The following RGS6 variants were observed in gnomAD, a reference collection of about 807,000 sequenced individuals.
The protein encoded by RGS6 is regulator of G protein signaling 6.
A neutral mutation model predicts 78.5 loss-of-function variants in RGS6; 30 were observed. The ratio of observed to expected loss-of-function variants is 0.38; its 90% CI spans 0.29 to 0.52. The LOEUF is 0.52. Among genes scored for constraint, RGS6 ranks in the 20% least tolerant of loss-of-function variants. RGS6 has a pLI of 0.85. For synonymous variants in RGS6, 206 were observed against 206.0 expected (o/e 1.00, Z 0.00); for missense variants, 495 against 609.7 (o/e 0.81, Z 1.98).
At chr14:71,950,758 C>G (rs1566894558) in intron 1 of RGS6, among the ~76,000 whole-genome samples, 1 of 152,102 alleles carries the variant, frequency 6.6e-6, no homozygotes, top group Admixed American at 6.5e-5. Context: ...AGGACTTGAA[C>G]AGACACTTGT....
At chr14:71,942,850 A>G (rs1317307001) in intron 1 of RGS6, among the ~76,000 whole-genome samples, 1 of 150,150 alleles carries the variant, frequency 6.7e-6, no homozygotes, top group East Asian at 2.0e-4. Context: ...ATATTTGGAT[A>G]TGAACAAAAT....
chr14:71,952,638 G>A (rs1192997641), intron 1 of RGS6, among the ~76,000 whole-genome samples: 1 of 151,308 alleles, frequency 6.6e-6, no homozygotes, highest in African/African-American at 2.4e-5. Flanking sequence ...GATCTATATT[G>A]CTTTTGGCTG....
chr14:71,925,474 C>T, the RGS6 span, among the ~76,000 whole-genome samples: 18 of 152,172 alleles, frequency 1.2e-4, no homozygotes, highest in South Asian at 1.5e-3. Context: ...ACAAACTTAT[C>T]GCTCAGGCCA....
At chr14:72,109,049 T>C (rs1191044908) in intron 2 of RGS6, among the ~76,000 whole-genome samples, 1 of 152,166 alleles carries the variant, frequency 6.6e-6, no homozygotes. Context: ...CTGTCTTCTA[T>C]TGTTTTTATG....
the RGS6 span, among the ~76,000 whole-genome samples, chr14:71,888,870 A>G: frequency 6.6e-6 from 1 of 152,176 alleles, no homozygotes; most frequent in African/African-American, 2.4e-5. Context: ...GCATTATCAC[A>G]TCATTGAAAA....
the RGS6 span, among the ~76,000 whole-genome samples, chr14:72,618,119 C>T: frequency 2.0e-5 from 3 of 152,074 alleles, no homozygotes; most frequent in Admixed American, 1.3e-4. Flanking sequence ...GAGCAGCCCC[C>T]GCACTGAGAG....
At chr14:72,549,137 G>A (rs1211339047) in intron 17 of RGS6, among the ~76,000 whole-genome samples, 4 of 152,212 alleles carry the variant, frequency 2.6e-5, no homozygotes, top group Non-Finnish European at 4.4e-5. Flanking sequence ...ACTAGACTCC[G>A]CCTTGAGGGA....
intron 2 of RGS6, among the ~76,000 whole-genome samples, chr14:72,109,380 T>A (rs2095703883): frequency 6.6e-6 from 1 of 152,164 alleles, no homozygotes; most frequent in Non-Finnish European, 1.5e-5. Flanking sequence ...ATTCTAGGAG[T>A]TCCAAAAACT....
In RGS6 at chr14:72,549,423, G is replaced by A. The variant is rs746954620; in HGVS notation, c.1422+9329G>A. Among the ~76,000 whole-genome samples the A allele has an allele frequency of 2.3e-4, 35 of 152,128 alleles. 1 individual carries two copies. Among genetic ancestry groups the A allele is most frequent in the Non-Finnish European group, 4.3e-4 (29 of 68,022 alleles). ...GCCAGGGTGGCCATGTGCGTGGGGC[G>A]TCCTGGCCCAAGGTTGAAGAAAACT... is the stretch of plus-strand genomic sequence containing the variant. On this transcript the variant is annotated intron_variant, in intron 17 of 17. Transcript: ENST00000553525.
At chr14:71,917,384 A>G in the RGS6 span, among the ~76,000 whole-genome samples, 1 of 152,208 alleles carries the variant, frequency 6.6e-6, no homozygotes. Context: ...TGCTGTTAAA[A>G]GTATACATAA....
At chr14:72,324,904 A>G (rs1313558891) in intron 2 of RGS6, among the ~76,000 whole-genome samples, 1 of 152,184 alleles carries the variant, frequency 6.6e-6, no homozygotes, top group Non-Finnish European at 1.5e-5. Flanking sequence ...TGGTATTTCT[A>G]GTTCTAGATC....
the RGS6 span, among the ~76,000 whole-genome samples, chr14:72,626,399 T>G: frequency 6.6e-6 from 1 of 152,134 alleles, no homozygotes. Flanking sequence ...TAGGTTTTCT[T>G]ATGTCTCTTT....
intron 15 of RGS6, among the ~76,000 whole-genome samples, chr14:72,530,552 G>C (rs756928727): frequency 2.0e-5 from 3 of 152,124 alleles, no homozygotes; most frequent in Admixed American, 6.5e-5. Flanking sequence ...TTAGCCAGGC[G>C]TGGTGGTGCA....
chr14:72,040,217 C>T lies in RGS6; in HGVS notation c.84+75342C>T, dbSNP rs2092264837. Among the ~76,000 whole-genome samples, 7 of 152,096 alleles carry T rather than the reference C, an allele frequency of 4.6e-5. No individual in the cohort carries two copies. The South Asian group carries it at 1.5e-3, about 32-fold the overall frequency. The stretch of plus-strand genomic sequence containing the variant: ...ATTCTGTATTTGTCTATATATTGAC[C>T]TTTACCAGGGAGCTTACATTTTCAT... On this transcript the variant is annotated intron_variant, in intron 2 of 17. Coordinates refer to ENST00000553525, the MANE Select transcript of RGS6 (RefSeq NM_001204424.2).
chr14:72,481,956 C>T (rs1488739633), intron 12 of RGS6, among the ~76,000 whole-genome samples: 1 of 151,890 alleles, frequency 6.6e-6, no homozygotes. Flanking sequence ...TTACAGGCAC[C>T]TGCCACCAAG....
intron 13 of RGS6, among the ~76,000 whole-genome samples, chr14:72,505,312 G>A (rs1312268139): frequency 6.6e-6 from 1 of 152,150 alleles, no homozygotes; most frequent in Non-Finnish European, 1.5e-5. Context: ...CAGAGTGCTG[G>A]CAAATTCAAT....
chr14:72,333,235 GA>G (rs1007987882), intron 2 of RGS6, among the ~76,000 whole-genome samples: 1 of 152,326 alleles, frequency 6.6e-6, no homozygotes, highest in Non-Finnish European at 1.5e-5. Context: ...ATTTCCGGGG[GA>G]AAATGTGAAT....
chr14:72,328,173 A>G (rs537316247), intron 2 of RGS6, among the ~76,000 whole-genome samples: 67 of 152,276 alleles, frequency 4.4e-4, no homozygotes, highest in African/African-American at 1.6e-3. Context: ...AATGGATTGG[A>G]AGATGCTTGC....
At chr14:72,153,981 AGGGC>A (rs2096732584) in intron 2 of RGS6, among the ~76,000 whole-genome samples, 2 of 152,186 alleles carry the variant, frequency 1.3e-5, no homozygotes, top group Admixed American at 6.5e-5. Flanking sequence ...GCAGGAGACC[AGGGC>A]GTATCTCAGT....
Sources: allele counts gnomAD v4.1 joint callset (sites outside exome capture counted in the v4.1 genomes callset), GRCh38; gene constraint gnomAD v4.1.1; transcripts MANE v1.5; gene names NCBI Gene and HGNC (gene_info 2026-07-23, HGNC 2026-07-21).